The following IPPK variants were observed in gnomAD, a reference collection of about 807,000 sequenced individuals.
IPPK encodes inositol-pentakisphosphate 2-kinase.
IPPK carries 22 observed loss-of-function variants against 64.6 expected under a neutral mutation model. The ratio of observed to expected loss-of-function variants is 0.34; its 90% CI spans 0.24 to 0.49. The LOEUF is 0.49. IPPK is among the 20% of genes least tolerant of loss of function. The pLI is 0.99. For missense variants in IPPK, 532 were observed against 630.7 expected (o/e 0.84, Z 1.68); for synonymous variants, 262 against 247.2 (o/e 1.06, Z -0.56).
intron 11 of IPPK, among the ~76,000 whole-genome samples, chr9:92,624,962 G>C (rs746244471): frequency 3.3e-5 from 5 of 151,766 alleles, no homozygotes; most frequent in Non-Finnish European, 5.9e-5. Flanking sequence ...CGTAAGTCAA[G>C]TTCAAAAACA....
chr9:92,664,893 A>C (rs1852562766), intron 1 of IPPK, among the ~76,000 whole-genome samples: 1 of 152,222 alleles, frequency 6.6e-6, no homozygotes, highest in Admixed American at 6.5e-5. Flanking sequence ...AGGCTCAGTC[A>C]GGCAGAAGAA....
At chr9:92,669,745 G>A (rs111281220) in intron 1 of IPPK, among the ~76,000 whole-genome samples, 163 bp downstream of exon 1, 38 of 152,150 alleles carry the variant, frequency 2.5e-4, no homozygotes, top group African/African-American at 7.5e-4. Context: ...CAAGCGGTAG[G>A]GGGGGATGCT....
At chr9:92,631,246 A>T (rs1295045449) in intron 11 of IPPK, among the ~76,000 whole-genome samples, 1 of 140,454 alleles carries the variant, frequency 7.1e-6, no homozygotes, top group Non-Finnish European at 1.5e-5. Context: ...CCCAGGCTGG[A>T]GTGCAGTGGT....
chr9:92,621,459 T>C (rs1405782748), intron 11 of IPPK, among the ~76,000 whole-genome samples: 2 of 151,804 alleles, frequency 1.3e-5, no homozygotes, highest in African/African-American at 4.8e-5. Flanking sequence ...GCCTAGCTGA[T>C]TTCACAGCTG....
At chr9:92,652,475 T>C (rs529023337) in intron 4 of IPPK, 98 bp downstream of exon 4, 13 of 554,418 alleles carry the variant, frequency 2.3e-5, no homozygotes, top group African/African-American at 2.1e-4. Context: ...AAAGGATTAC[T>C]GAAAAATGCA....
chr9:92,664,693 T>A (rs1344538140), intron 1 of IPPK, among the ~76,000 whole-genome samples: 1 of 152,192 alleles, frequency 6.6e-6, no homozygotes, highest in Non-Finnish European at 1.5e-5. Flanking sequence ...CACAGGGAAC[T>A]GTGAGCAAGT....
chr9:92,649,107 C>A (rs984758201), intron 5 of IPPK, among the ~76,000 whole-genome samples: 12 of 152,196 alleles, frequency 7.9e-5, no homozygotes, highest in African/African-American at 2.7e-4. Flanking sequence ...CCCAGAGGAC[C>A]CTGGCAAGCT....
chr9:92,661,699 C>T (rs1338748031), intron 1 of IPPK, among the ~76,000 whole-genome samples: 1 of 152,228 alleles, frequency 6.6e-6, no homozygotes, highest in African/African-American at 2.4e-5. Flanking sequence ...TCCACCCACC[C>T]ATTTATCATC....
chr9:92,628,650 CA>C (rs1442321634), intron 11 of IPPK, among the ~76,000 whole-genome samples: 32 of 152,108 alleles, frequency 2.1e-4, no homozygotes, highest in African/African-American at 6.8e-4. Flanking sequence ...CTGAGGCAGG[CA>C]GATCACTTGA....
intron 11 of IPPK, among the ~76,000 whole-genome samples, chr9:92,633,334 A>G (rs1851879467): frequency 1.3e-5 from 2 of 151,740 alleles, no homozygotes; most frequent in Non-Finnish European, 2.9e-5. Context: ...TAAAATGTGT[A>G]ATATAAAATA....
At chr9:92,619,082 G>T (rs959734709) in intron 12 of IPPK, 2 of 225,876 alleles carry the variant, frequency 8.9e-6, no homozygotes, top group Non-Finnish European at 1.8e-5. Context: ...GACTGTGGTG[G>T]TAAAAAGGCA....
chr9:92,669,656 G>A (rs1001917649), intron 1 of IPPK, among the ~76,000 whole-genome samples: 2 of 151,910 alleles, frequency 1.3e-5, no homozygotes, highest in Non-Finnish European at 2.9e-5. Context: ...CTGAGGGGAC[G>A]ACAGACCGGC....
In IPPK at chr9:92,613,185, C is replaced by CA. The variant is rs764108042; in HGVS notation, c.*2646_*2647insT. On this transcript the variant is annotated 3_prime_UTR_variant, in exon 13 of 13. Coordinates refer to ENST00000287996, the MANE Select transcript of IPPK (RefSeq NM_022755.6). The stretch of plus-strand genomic sequence containing the variant: ...GTGAACGTGGAGGATGAAGATGCTG[C>CA]GTGGAGGAACATGCAATTTTATTCA... The CA allele has an allele frequency of 1.9e-6, 3 of 1,612,482 alleles. No individual in the cohort carries two copies. Among genetic ancestry groups the CA allele is most frequent in the Non-Finnish European group, 8.5e-7 (1 of 1,178,748 alleles).
intron 2 of IPPK, 135 bp downstream of exon 2, chr9:92,658,499 A>G (rs2131459689): frequency 2.6e-6 from 2 of 761,356 alleles, no homozygotes; most frequent in East Asian, 4.9e-5. Context: ...AATGATGGAC[A>G]CACCACTTTC....
rs192845080 is a variant in IPPK, at chr9:92,662,057, A to T, written c.82-3376T>A. On this transcript the variant is annotated intron_variant, in intron 1 of 12. Coordinates refer to ENST00000287996, the MANE Select transcript of IPPK (RefSeq NM_022755.6). ...GGGGGTCAACACAGCCACCTGGGGG[A>T]CTTCACATGAAGGAGTGAGCAAGAA... 1.6e-4 allele frequency among the ~76,000 whole-genome samples: 24 copies of T among 152,290 alleles called. No individual in the cohort carries two copies. The East Asian group carries it at 4.4e-3, about 28-fold the overall frequency.
intron 11 of IPPK, among the ~76,000 whole-genome samples, chr9:92,632,840 G>A (rs1055960673): frequency 2.0e-5 from 3 of 152,092 alleles, no homozygotes; most frequent in Non-Finnish European, 4.4e-5. Context: ...CCAAATGTGA[G>A]CCACAGACAT....
intron 1 of IPPK, among the ~76,000 whole-genome samples, chr9:92,659,961 C>T (rs1852448876): frequency 2.6e-5 from 4 of 152,042 alleles, no homozygotes; most frequent in Admixed American, 2.6e-4. Flanking sequence ...AGATCAATGG[C>T]ATGCATGCTA....
chr9:92,613,240 AACC>A lies in IPPK; in HGVS notation c.*2589_*2591del. 1.3e-6 allele frequency: 2 copies of A among 1,503,396 alleles called. No individual in the cohort carries two copies. Among genetic ancestry groups the A allele is most frequent in the Non-Finnish European group, 1.8e-6 (2 of 1,085,154 alleles). The allele number at this position is 1,503,396 out of a possible 1,614,324, so 93.1% of individuals were successfully genotyped here. On this transcript the variant is annotated 3_prime_UTR_variant, in exon 13 of 13. Transcript: ENST00000287996. ...AAACATTTGCTATTTTCTGCTTAGAAACCACACCCTGAAGACGTGCTGTCTATG... is the reference window on the plus strand; with the variant it reads ...AAACATTTGCTATTTTCTGCTTAGAAACACCCTGAAGACGTGCTGTCTATG...
chr9:92,619,684 G>T (rs1851563215), intron 11 of IPPK, 119 bp from the exon 12 acceptor site: 3 of 925,624 alleles, frequency 3.2e-6, no homozygotes, highest in South Asian at 1.5e-5. Flanking sequence ...CTGAGGGTGG[G>T]ATTAGGAGCG....
Sources: allele counts gnomAD v4.1 joint callset (sites outside exome capture counted in the v4.1 genomes callset), GRCh38; gene constraint gnomAD v4.1.1; transcripts MANE v1.5; gene names NCBI Gene and HGNC (gene_info 2026-07-23, HGNC 2026-07-21).